Variants in STAG1 observed in about 807,000 individuals in gnomAD.
STAG1 encodes STAG1 cohesin complex component, also known as cohesin subunit SA-1.
In STAG1, 26 loss-of-function variants were observed where a neutral mutation model predicts 170.9. That is an observed-to-expected ratio of 0.15 (90% CI 0.11 to 0.21). The LOEUF (loss-of-function observed/expected upper bound fraction) is 0.21, where lower values mean the gene tolerates loss of function less well. Ranked by LOEUF, STAG1 falls within the 10% of genes least tolerant of loss-of-function variation. STAG1 has a pLI of 1.00. For synonymous variants in STAG1, 514 were observed against 497.7 expected, an observed-to-expected ratio of 1.03 and a Z score of -0.44; for missense variants, 964 against 1,509.5, an observed-to-expected ratio of 0.64 and a Z score of 5.99.
At chr3:136,690,471 A>G (rs1031919654) in intron 1 of STAG1, among the ~76,000 whole-genome samples, 2 of 152,236 alleles carry the variant, frequency 1.3e-5, no homozygotes, top group African/African-American at 4.8e-5. Context: ...TCCTGACCTC[A>G]CATGATCTGC....
At chr3:136,377,578 G>T in intron 23 of STAG1, 82 bp downstream of exon 23, 2 of 1,114,102 alleles carry the variant, frequency 1.8e-6, no homozygotes, top group South Asian at 1.3e-5. Flanking sequence ...TACAAAAACT[G>T]CCATAAAAAA....
chr3:136,595,368 T>C (rs1489296884), intron 4 of STAG1, among the ~76,000 whole-genome samples: 2 of 152,158 alleles, frequency 1.3e-5, no homozygotes, highest in Non-Finnish European at 2.9e-5. Flanking sequence ...TCTTTCCTAA[T>C]CATTCCAGAG....
At chr3:136,736,825 CT>C (rs34047257) in intron 1 of STAG1, 190,536 of 1,585,200 alleles carry the variant, frequency 0.12, 12,830 homozygotes, top group Middle Eastern at 0.14. Context: ...GTTTTCCTTC[CT>C]TCTTTGTTTT....
intron 5 of STAG1, among the ~76,000 whole-genome samples, chr3:136,563,267 G>A (rs1408557473): frequency 6.6e-6 from 1 of 152,142 alleles, no homozygotes; most frequent in Non-Finnish European, 1.5e-5. Context: ...CCCACTTACT[G>A]AGTTCCCAAG....
At chr3:136,583,079 A>C (rs1451308634) in intron 4 of STAG1, among the ~76,000 whole-genome samples, 1 of 152,196 alleles carries the variant, frequency 6.6e-6, no homozygotes, top group Non-Finnish European at 1.5e-5. Context: ...CAACTAAGTC[A>C]ATATTGAAAT....
At chr3:136,446,692 G>C (rs2088790273) in intron 14 of STAG1, among the ~76,000 whole-genome samples, 1 of 151,762 alleles carries the variant, frequency 6.6e-6, no homozygotes, top group Non-Finnish European at 1.5e-5. Context: ...CAAAGTGTTG[G>C]GATTACAGGC....
At chr3:136,428,823 C>G (rs1002134498) in intron 16 of STAG1, among the ~76,000 whole-genome samples, 1 of 152,116 alleles carries the variant, frequency 6.6e-6, no homozygotes, top group East Asian at 1.9e-4. Context: ...ACATATAGAT[C>G]TTAGAGAAAT....
intron 9 of STAG1, among the ~76,000 whole-genome samples, chr3:136,498,904 A>C (rs2107860601): frequency 6.6e-6 from 1 of 152,274 alleles, no homozygotes; most frequent in South Asian, 2.1e-4. Flanking sequence ...GTTCCATTAA[A>C]ATAAATTATC....
chr3:136,592,360 G>A (rs550661032), intron 4 of STAG1, among the ~76,000 whole-genome samples: 2 of 152,172 alleles, frequency 1.3e-5, no homozygotes, highest in East Asian at 3.9e-4. Context: ...ATAAGCATCT[G>A]GCATTTCCCC....
At chr3:136,615,955 C>T (rs372240040) in intron 3 of STAG1, among the ~76,000 whole-genome samples, 49 of 151,964 alleles carry the variant, frequency 3.2e-4, no homozygotes, top group African/African-American at 9.2e-4. Context: ...ATGTGGAAGA[C>T]ACAGTGAGCT....
intron 3 of STAG1, among the ~76,000 whole-genome samples, chr3:136,610,705 G>T (rs1010378745): frequency 2.0e-5 from 3 of 151,976 alleles, no homozygotes; most frequent in African/African-American, 7.2e-5. Flanking sequence ...AAATGTCTGT[G>T]TACTAATCCC....
intron 7 of STAG1, among the ~76,000 whole-genome samples, chr3:136,517,616 G>T (rs1242110468): frequency 2.0e-5 from 3 of 151,712 alleles, no homozygotes; most frequent in African/African-American, 7.3e-5. Flanking sequence ...ACCTATTTTT[G>T]AACTTAAAAG....
chr3:136,677,696 G>A (rs1292136430), intron 1 of STAG1, among the ~76,000 whole-genome samples: 2 of 151,692 alleles, frequency 1.3e-5, no homozygotes, highest in Admixed American at 1.3e-4. Flanking sequence ...GTGAGCCCTC[G>A]CCAGACACTG....
chr3:136,362,821 ACAGT>A (rs1936927286), intron 26 of STAG1, among the ~76,000 whole-genome samples: 1 of 151,832 alleles, frequency 6.6e-6, no homozygotes, highest in African/African-American at 2.4e-5. Context: ...TTTCAAATAC[ACAGT>A]CAGCTGACCC....
chr3:136,675,344 G>A (rs778150211), intron 1 of STAG1, among the ~76,000 whole-genome samples: 3 of 152,150 alleles, frequency 2.0e-5, no homozygotes, highest in African/African-American at 7.2e-5. Flanking sequence ...GCAAACATGA[G>A]TGACAGGCCA....
intron 22 of STAG1, among the ~76,000 whole-genome samples, chr3:136,380,305 G>T (rs553590557): frequency 5.3e-4 from 81 of 151,868 alleles, no homozygotes; most frequent in African/African-American, 1.9e-3. Context: ...GCAGTGGTGC[G>T]ATCTTGGCCC....
chr3:136,358,119 A>G (rs1403926699), intron 27 of STAG1, among the ~76,000 whole-genome samples: 1 of 148,584 alleles, frequency 6.7e-6, no homozygotes, highest in Non-Finnish European at 1.5e-5. Context: ...ACAAGGTCTC[A>G]CTGTGTCGCC....
chr3:136,735,753 T>C (rs1437569158), intron 1 of STAG1, among the ~76,000 whole-genome samples: 2 of 152,068 alleles, frequency 1.3e-5, no homozygotes, highest in African/African-American at 2.4e-5. Context: ...GCTGGAATTA[T>C]AGGGGTTCGC....
Position 136,398,738 on chromosome 3 carries a change from CTCTT to C in STAG1, c.2277+7_2277+10del, listed in dbSNP as rs759014276. 3.8e-6 allele frequency: 6 copies of C among 1,578,842 alleles called. No homozygotes were observed. Among genetic ancestry groups the C allele is most frequent in the Admixed American group, 3.5e-5 (2 of 57,706 alleles). The stretch of plus-strand genomic sequence containing the variant: ...GTAATAACCCTTCTGCCTACAGAAA[CTCTT>C]ACTTACTTTGGAAGGAGAGCCATCA... On this transcript the variant is annotated splice_region_variant and intron_variant, in intron 22 of 33. Transcript: ENST00000383202.
Sources: allele counts gnomAD v4.1 joint callset (sites outside exome capture counted in the v4.1 genomes callset), GRCh38; gene constraint gnomAD v4.1.1; transcripts MANE v1.5; gene names NCBI Gene and HGNC (gene_info 2026-07-23, HGNC 2026-07-21).